Variants in DMD observed in about 807,000 individuals in gnomAD.
DMD encodes dystrophin, also known as mutant dystrophin.
Under a neutral mutation model 330.1 loss-of-function variants are expected in DMD, and 63 were observed. The observed-to-expected ratio is 0.19, with a 90% CI of 0.16 to 0.24. The LOEUF is 0.24. Ranked by LOEUF, DMD falls within the 10% of genes least tolerant of loss-of-function variation. The probability of loss-of-function intolerance (pLI) is 1.00; values close to 1 mark genes in which losing one functional copy is unlikely to be tolerated. For missense variants in DMD, 3,344 were observed against 2,684.1 expected, an observed-to-expected ratio of 1.25 and a Z score of -5.43; for synonymous variants, 1,223 against 959.8, an observed-to-expected ratio of 1.27 and a Z score of -5.07.
chrX:31,125,442 T>G (rs1011064287), intron 78 of DMD, among the ~76,000 whole-genome samples: 2 of 111,904 alleles, frequency 1.8e-5, no homozygotes, highest in Non-Finnish European at 3.8e-5. Flanking sequence ...TCATTACGAC[T>G]CCTGTGTTTA....
At chrX:32,879,619 C>T (rs920488105) in intron 2 of DMD, among the ~76,000 whole-genome samples, 15 of 112,170 alleles carry the variant, frequency 1.3e-4, no homozygotes, top group African/African-American at 4.9e-4. Flanking sequence ...ATATGTGTCA[C>T]ATATTTTTAA....
chrX:31,269,902 G>A (rs1479338349), intron 62 of DMD, among the ~76,000 whole-genome samples: 1 of 111,913 alleles, frequency 8.9e-6, no homozygotes, highest in East Asian at 2.8e-4. Flanking sequence ...ACCTCTGTGG[G>A]GACATCAATC....
intron 51 of DMD, among the ~76,000 whole-genome samples, chrX:31,773,724 CTTTT>C (rs762551529): frequency 5.6e-5 from 3 of 53,557 alleles, no homozygotes; most frequent in African/African-American, 7.6e-5. Context: ...AAGGTTTCTG[CTTTT>C]TTTTTTTTTT....
At chrX:31,238,184 T>A (rs759292946) in intron 63 of DMD, among the ~76,000 whole-genome samples, 18 of 111,546 alleles carry the variant, frequency 1.6e-4, no homozygotes, top group Non-Finnish European at 2.6e-4. Flanking sequence ...TTTGCCTTCT[T>A]TCTCCTCTCA....
intron 41 of DMD, among the ~76,000 whole-genome samples, chrX:32,327,188 A>G (rs903330193): frequency 1.3e-4 from 5 of 38,989 alleles, no homozygotes; most frequent in African/African-American, 7.3e-4. Flanking sequence ...CAAAGCTACT[A>G]GGGGCACAAA....
At chrX:32,243,646 G>C (rs182444984) in intron 43 of DMD, among the ~76,000 whole-genome samples, 2 of 111,583 alleles carry the variant, frequency 1.8e-5, no homozygotes, top group African/African-American at 6.5e-5. Context: ...GATGACTTTT[G>C]TGCATCTAGT....
intron 47 of DMD, among the ~76,000 whole-genome samples, chrX:31,893,305 C>A (rs1215700313): frequency 2.7e-5 from 3 of 111,098 alleles, no homozygotes; most frequent in Non-Finnish European, 5.7e-5. Context: ...AAAGAAGCAA[C>A]CTTACGTATG....
intron 54 of DMD, among the ~76,000 whole-genome samples, chrX:31,650,407 T>C (rs1420457792): frequency 8.9e-6 from 1 of 111,751 alleles, no homozygotes; most frequent in African/African-American, 3.3e-5. Context: ...CTTTAAATTT[T>C]TGGAAATAAT....
intron 44 of DMD, chrX:32,102,181 A>G (rs1467948576): frequency 9.0e-6 from 1 of 111,382 alleles, no homozygotes; most frequent in African/African-American, 3.3e-5. Context: ...TGGCCCCTCA[A>G]CCTTGGACTT....
intron 9 of DMD, among the ~76,000 whole-genome samples, chrX:32,680,412 CACA>C (rs1478353437): frequency 9.0e-6 from 1 of 111,194 alleles, no homozygotes; most frequent in Admixed American, 9.6e-5. Context: ...AGACTGTCTT[CACA>C]ACTGGTCCTC....
chrX:31,304,081 C>A (rs1265607966), intron 62 of DMD, among the ~76,000 whole-genome samples: 2 of 112,058 alleles, frequency 1.8e-5, no homozygotes, highest in Non-Finnish European at 3.8e-5. Context: ...AATTAAAAAG[C>A]ATTTTAGCAT....
At chrX:33,136,423 C>T (rs781190440) in intron 1 of DMD, among the ~76,000 whole-genome samples, 30 of 103,345 alleles carry the variant, frequency 2.9e-4, no homozygotes, top group Middle Eastern at 4.9e-3. Flanking sequence ...ATTGTCATCA[C>T]GAGTAGCAAG....
intron 55 of DMD, among the ~76,000 whole-genome samples, chrX:31,536,338 A>C (rs973195100): frequency 1.7e-4 from 19 of 111,674 alleles, no homozygotes; most frequent in Non-Finnish European, 3.4e-4. Context: ...CTGTATATTT[A>C]ATTGTAAAAA....
At chrX:31,727,310 G>C (rs1368114642) in intron 52 of DMD, among the ~76,000 whole-genome samples, 2 of 111,755 alleles carry the variant, frequency 1.8e-5, no homozygotes, top group African/African-American at 6.5e-5. Flanking sequence ...GTTGCAACTT[G>C]TTGGAGAACC....
intron 1 of DMD, among the ~76,000 whole-genome samples, chrX:33,151,816 T>G (rs1388631311): frequency 1.8e-5 from 2 of 112,438 alleles, no homozygotes; most frequent in East Asian, 5.6e-4. Flanking sequence ...GTGTGATAAT[T>G]AAATAACAAA....
intron 44 of DMD, among the ~76,000 whole-genome samples, chrX:32,194,340 T>G (rs1177157027): frequency 8.9e-6 from 1 of 112,255 alleles, no homozygotes; most frequent in Non-Finnish European, 1.9e-5. Context: ...AAGTCACTAA[T>G]GCCTCTGTCC....
At position 32,844,806 on chromosome X, in the gene DMD, G is replaced by A. The variant is rs914011709; in HGVS notation, c.241C>T (p.Leu81=). ...VHALNNVNKA[L]RVLQNNNVDL... is the part of the protein sequence containing the mutation. ...ACATTATTGTTCTGCAAAACCCGCAGTGCCTTGTTGACATTGTTCAGGGCA... is the reference window on the plus strand; with the variant it reads ...ACATTATTGTTCTGCAAAACCCGCAATGCCTTGTTGACATTGTTCAGGGCA... The change falls in exon 4 of 79, where the codon CTG becomes TTG. Residue 81 remains leucine (L), a synonymous_variant. Coordinates refer to ENST00000357033, the MANE Select transcript of DMD (RefSeq NM_004006.3). The A allele has an allele frequency of 2.5e-6, 3 of 1,209,720 alleles. No individual in the cohort carries two copies. In the Admixed American group the frequency reaches 6.6e-5, roughly 26 times the overall value.
At chrX:31,797,017 G>A (rs2091863258) in intron 50 of DMD, among the ~76,000 whole-genome samples, 1 of 111,843 alleles carries the variant, frequency 8.9e-6, no homozygotes, top group African/African-American at 3.3e-5. Context: ...GCAGAACCAT[G>A]AGCCAAATAA....
chrX:32,684,665 GT>G (rs2062718562), intron 9 of DMD, among the ~76,000 whole-genome samples: 1 of 111,242 alleles, frequency 9.0e-6, no homozygotes, highest in African/African-American at 3.3e-5. Flanking sequence ...CTATCTGGTA[GT>G]TAAAAATAAT....
Sources: gnomAD v4.1 joint callset for allele counts (sites outside exome capture counted in the v4.1 genomes callset) on GRCh38, gnomAD v4.1.1 for gene constraint, MANE v1.5 for transcripts, NCBI Gene and HGNC (gene_info 2026-07-23, HGNC 2026-07-21) for gene names.